RNF125: variants seen among roughly 807,000 people sequenced by gnomAD.
The protein encoded by RNF125 is ring finger protein 125, also known as E3 ubiquitin-protein ligase RNF125.
In RNF125, 21 loss-of-function variants were observed where a neutral mutation model predicts 26.0. That is an observed-to-expected ratio of 0.81 (90% CI 0.57 to 1.16). RNF125 has a LOEUF of 1.16. Among genes scored for constraint, RNF125 ranks in the 50% most tolerant of loss-of-function variants. The probability of loss-of-function intolerance (pLI) is 0.00; values close to 1 mark genes in which losing one functional copy is unlikely to be tolerated. For synonymous variants in RNF125, 95 were observed against 109.2 expected, an observed-to-expected ratio of 0.87 and a Z score of 0.81; for missense variants, 270 against 299.4, an observed-to-expected ratio of 0.90 and a Z score of 0.72.
intron 1 of RNF125, among the ~76,000 whole-genome samples, chr18:32,034,446 C>G (rs2039131499): frequency 6.6e-6 from 1 of 152,120 alleles, no homozygotes; most frequent in African/African-American, 2.4e-5. Context: ...CACACTGTTC[C>G]TTTACGTGAT....
downstream of RNF125, among the ~76,000 whole-genome samples, chr18:32,077,592 C>T (rs2039578764): frequency 2.0e-5 from 3 of 152,072 alleles, no homozygotes; most frequent in Middle Eastern, 3.4e-3. Flanking sequence ...AACTCCTGAC[C>T]TCAAGTGATC....
At chr18:32,020,054 C>T (rs2038972098) in intron 1 of RNF125, among the ~76,000 whole-genome samples, 1 of 148,790 alleles carries the variant, frequency 6.7e-6, no homozygotes, top group Admixed American at 6.7e-5. Context: ...GAGAGAGAGA[C>T]GTAGTCTGGC....
At chr18:32,038,032 G>A (rs879065891) in intron 2 of RNF125, among the ~76,000 whole-genome samples, 1 of 150,310 alleles carries the variant, frequency 6.7e-6, no homozygotes, top group African/African-American at 2.5e-5. Context: ...CTCACTCTTT[G>A]GGTCCGTGCC....
At chr18:32,020,970 G>T (rs1292000297) in intron 1 of RNF125, among the ~76,000 whole-genome samples, 1 of 152,170 alleles carries the variant, frequency 6.6e-6, no homozygotes, top group Non-Finnish European at 1.5e-5. Flanking sequence ...AATACCTATA[G>T]CCTTGTATCT....
downstream of RNF125, among the ~76,000 whole-genome samples, chr18:32,075,104 C>T (rs2039561296): frequency 6.6e-6 from 1 of 152,160 alleles, no homozygotes; most frequent in African/African-American, 2.4e-5. Flanking sequence ...TGTACAGAAT[C>T]TCTGAAATTA....
intron 3 of RNF125, among the ~76,000 whole-genome samples, chr18:32,044,589 T>C (rs1033037222): frequency 6.6e-6 from 1 of 152,164 alleles, no homozygotes; most frequent in Non-Finnish European, 1.5e-5. Flanking sequence ...TTGCCCAGGC[T>C]GGAGTGCAAT....
intron 1 of RNF125, among the ~76,000 whole-genome samples, chr18:32,027,466 A>T (rs753483166): frequency 1.3e-4 from 20 of 152,154 alleles, no homozygotes; most frequent in Admixed American, 1.1e-3. Context: ...TTTAAAAGCG[A>T]TTGAAACCAA....
At chr18:32,061,245 C>G (rs139364865) in intron 4 of RNF125, among the ~76,000 whole-genome samples, 1 of 151,798 alleles carries the variant, frequency 6.6e-6, no homozygotes, top group African/African-American at 2.4e-5. Context: ...AGGATGGTGT[C>G]GATCTCCTGA....
chr18:32,047,778 T>C (rs2039285884), intron 4 of RNF125, among the ~76,000 whole-genome samples: 1 of 152,132 alleles, frequency 6.6e-6, no homozygotes, highest in South Asian at 2.1e-4. Context: ...AACATAAATA[T>C]ATTAGACAGG....
At chr18:32,039,311 G>A (rs2039193205) in intron 2 of RNF125, among the ~76,000 whole-genome samples, 1 of 151,910 alleles carries the variant, frequency 6.6e-6, no homozygotes, top group Admixed American at 6.6e-5. Context: ...TAGGAAGAGC[G>A]CTTGAGCCCA....
chr18:32,038,375 A>G (rs561357358), intron 2 of RNF125, among the ~76,000 whole-genome samples: 1 of 152,218 alleles, frequency 6.6e-6, no homozygotes, highest in East Asian at 1.9e-4. Flanking sequence ...TACATATATC[A>G]TCTGCAGAAA....
chr18:32,089,096 G>A, the RNF125 span, among the ~76,000 whole-genome samples: 28 of 152,310 alleles, frequency 1.8e-4, no homozygotes, highest in African/African-American at 6.3e-4. Flanking sequence ...ATCGTGGCAG[G>A]AATCAGAAGG....
At chr18:32,051,041 C>G (rs2039322350) in intron 4 of RNF125, among the ~76,000 whole-genome samples, 1 of 151,706 alleles carries the variant, frequency 6.6e-6, no homozygotes, top group Non-Finnish European at 1.5e-5. Context: ...CTCTTTCTTT[C>G]ACTGGTTGGC....
At chr18:32,058,652 CTT>C (rs959832607) in intron 4 of RNF125, among the ~76,000 whole-genome samples, 4 of 152,134 alleles carry the variant, frequency 2.6e-5, no homozygotes, top group African/African-American at 9.7e-5. Flanking sequence ...GGCCTATACT[CTT>C]AAATGTACAA....
downstream of RNF125, among the ~76,000 whole-genome samples, chr18:32,077,581 G>A (rs1179020537): frequency 5.3e-5 from 8 of 151,690 alleles, no homozygotes; most frequent in Non-Finnish European, 8.8e-5. Flanking sequence ...GGCTGGTCTC[G>A]AACTCCTGAC....
At chr18:32,020,824 G>A (rs2038979629) in intron 1 of RNF125, among the ~76,000 whole-genome samples, 1 of 151,716 alleles carries the variant, frequency 6.6e-6, no homozygotes, top group Non-Finnish European at 1.5e-5. Flanking sequence ...CAGGAGAACT[G>A]CTTGAACCTG....
At chr18:32,063,350 C>T (rs2039452923) in intron 4 of RNF125, among the ~76,000 whole-genome samples, 1 of 151,366 alleles carries the variant, frequency 6.6e-6, no homozygotes, top group Admixed American at 6.6e-5. Flanking sequence ...CATAGAAGTG[C>T]AAATTAAAAC....
chr18:32,074,963 T>G (rs1320534824), downstream of RNF125, among the ~76,000 whole-genome samples: 1 of 152,228 alleles, frequency 6.6e-6, no homozygotes, highest in African/African-American at 2.4e-5. Context: ...TTCTTTCTTA[T>G]TTATTAACAA....
intron 1 of RNF125, among the ~76,000 whole-genome samples, chr18:32,033,026 C>A (rs943419687): frequency 1.3e-5 from 2 of 152,116 alleles, no homozygotes; most frequent in Admixed American, 6.6e-5. Flanking sequence ...ATTTGTCTGA[C>A]GATACACAAT....
Sources: gnomAD v4.1 joint callset for allele counts (sites outside exome capture counted in the v4.1 genomes callset) on GRCh38, gnomAD v4.1.1 for gene constraint, MANE v1.5 for transcripts, NCBI Gene and HGNC (gene_info 2026-07-23, HGNC 2026-07-21) for gene names.